The following TMIGD3 variants were observed in gnomAD, a reference collection of about 807,000 sequenced individuals.
The protein encoded by TMIGD3 is transmembrane and immunoglobulin domain containing 3, also known as AD026 protein (AD026).
A neutral mutation model predicts 28.1 loss-of-function variants in TMIGD3; 21 were observed. The observed-to-expected ratio is 0.75, with a 90% CI of 0.53 to 1.08. TMIGD3 has a LOEUF of 1.08. Ranked by LOEUF, TMIGD3 falls within the 50% of genes least tolerant of loss-of-function variation. The pLI is 0.00. For synonymous variants in TMIGD3, 151 were observed against 162.1 expected (o/e 0.93, Z 0.52); for missense variants, 416 against 435.6 (o/e 0.96, Z 0.40).
intron 1 of TMIGD3, among the ~76,000 whole-genome samples, chr1:111,511,225 G>A (rs916857952): frequency 1.3e-5 from 2 of 152,170 alleles, no homozygotes; most frequent in African/African-American, 4.8e-5. Flanking sequence ...TCTCCCGCTA[G>A]CTGGTAAACT....
At chr1:111,515,588 C>T (rs774394801) in intron 1 of TMIGD3, among the ~76,000 whole-genome samples, 1 of 152,180 alleles carries the variant, frequency 6.6e-6, no homozygotes, top group Non-Finnish European at 1.5e-5. Flanking sequence ...CTCCTGGCAG[C>T]GGCTGGGTTC....
intron 1 of TMIGD3, among the ~76,000 whole-genome samples, chr1:111,497,235 C>T (rs942567095): frequency 1.3e-5 from 2 of 152,136 alleles, no homozygotes; most frequent in Non-Finnish European, 2.9e-5. Context: ...CTCAGCCTCC[C>T]GAGTAGCTGG....
At chr1:111,502,977 T>C in intron 1 of TMIGD3, 28 bp downstream of exon 1, 1 of 1,606,414 alleles carries the variant, frequency 6.2e-7, no homozygotes, top group Non-Finnish European at 8.5e-7. Flanking sequence ...GCTGCCTCAA[T>C]TGCTGCCCAC....
intron 1 of TMIGD3, among the ~76,000 whole-genome samples, chr1:111,545,485 G>A (rs542888223): frequency 6.6e-6 from 1 of 152,072 alleles, no homozygotes; most frequent in African/African-American, 2.4e-5. Flanking sequence ...TCCTTTTATT[G>A]TTGAATTTTA....
intron 1 of TMIGD3, among the ~76,000 whole-genome samples, chr1:111,554,596 C>A (rs879563878): frequency 6.6e-6 from 1 of 152,144 alleles, no homozygotes; most frequent in African/African-American, 2.4e-5. Flanking sequence ...GGATCATATG[C>A]TCAGTGAATA....
chr1:111,499,774 T>G, intron 1 of TMIGD3: 1 of 1,432,328 alleles, frequency 7.0e-7, no homozygotes, highest in Non-Finnish European at 9.1e-7. Flanking sequence ...AAAAATGAAG[T>G]GGAGGAAGAG....
chr1:111,523,457 G>A (rs1320873221), intron 1 of TMIGD3, among the ~76,000 whole-genome samples: 1 of 151,740 alleles, frequency 6.6e-6, no homozygotes, highest in Non-Finnish European at 1.5e-5. Flanking sequence ...TTCCTGTAAT[G>A]TCGTCTGATT....
chr1:111,530,007 C>T (rs1170076910), intron 1 of TMIGD3, among the ~76,000 whole-genome samples: 1 of 98,940 alleles, frequency 1.0e-5, no homozygotes, highest in Non-Finnish European at 2.1e-5. Flanking sequence ...CGCTGACCCC[C>T]CCACCTCCCT....
intron 1 of TMIGD3, among the ~76,000 whole-genome samples, chr1:111,497,992 C>T (rs1162221275): frequency 6.6e-6 from 1 of 152,108 alleles, no homozygotes; most frequent in East Asian, 1.9e-4. Context: ...AACAGTGTGC[C>T]TGAGACACCC....
At chr1:111,514,313 G>T (rs1023820488) in intron 1 of TMIGD3, among the ~76,000 whole-genome samples, 1 of 152,128 alleles carries the variant, frequency 6.6e-6, no homozygotes, top group Non-Finnish European at 1.5e-5. Context: ...GGAAGGCCGA[G>T]ACAGGTGGAT....
chr1:111,485,965 G>A (rs1654347894), intron 4 of TMIGD3, 125 bp from the exon 5 acceptor site: 2 of 677,298 alleles, frequency 3.0e-6, no homozygotes, highest in East Asian at 2.8e-5. Context: ...AGTAGCTTCT[G>A]GGAACCGTAT....
At chr1:111,540,323 G>C (rs966345501) in intron 1 of TMIGD3, among the ~76,000 whole-genome samples, 1 of 152,244 alleles carries the variant, frequency 6.6e-6, no homozygotes, top group Non-Finnish European at 1.5e-5. Flanking sequence ...TCACGTGTAC[G>C]TGATATCACT....
chr1:111,508,437 C>G (rs189900015), upstream of TMIGD3, among the ~76,000 whole-genome samples: 1 of 152,232 alleles, frequency 6.6e-6, no homozygotes, highest in Admixed American at 6.5e-5. Flanking sequence ...AGGCTGCTGC[C>G]GAGAAAGAAA....
In TMIGD3 at chr1:111,500,676, A is replaced by T. The variant is rs371750223; in HGVS notation, c.350+2329T>A. 3 of 988,910 alleles carry T rather than the reference A, an allele frequency of 3.0e-6. No homozygotes were observed. In the Admixed American group the frequency reaches 6.9e-5, roughly 23 times the overall value. 61.3% of individuals were successfully genotyped at this position (988,910 alleles called of 1,614,324 possible). A position where few individuals can be genotyped will look rare whatever the true frequency, so the allele number is the denominator to read the frequency against. ...AGGCATATACTCTCTTAATTCTCCA[A>T]TCTTCTGCTAAGAGAGGGCAGCATT... On this transcript the variant is annotated intron_variant, in intron 1 of 5. Transcript: ENST00000369716.
intron 1 of TMIGD3, among the ~76,000 whole-genome samples, chr1:111,513,586 C>T (rs1056444307): frequency 6.6e-6 from 1 of 152,210 alleles, no homozygotes; most frequent in Non-Finnish European, 1.5e-5. Context: ...AAGATAAAAT[C>T]TCATTCTGTC....
At chr1:111,489,548 C>A (rs1654554564) in intron 2 of TMIGD3, 1 of 1,053,296 alleles carries the variant, frequency 9.5e-7, no homozygotes, top group Non-Finnish European at 1.2e-6. Flanking sequence ...GTTATCACAG[C>A]CCTAGCAAAC....
chr1:111,523,294 TAG>T (rs1326790872), intron 1 of TMIGD3, among the ~76,000 whole-genome samples: 1 of 152,254 alleles, frequency 6.6e-6, no homozygotes, highest in African/African-American at 2.4e-5. Context: ...GGATTTTGCA[TAG>T]TGAATAGACC....
At chr1:111,535,931 T>G (rs1656625278) in intron 1 of TMIGD3, among the ~76,000 whole-genome samples, 1 of 152,174 alleles carries the variant, frequency 6.6e-6, no homozygotes, top group Non-Finnish European at 1.5e-5. Flanking sequence ...CCTGCAAGCA[T>G]ATTTGAACTT....
At chr1:111,501,888 G>A (rs1655195399) in intron 1 of TMIGD3, among the ~76,000 whole-genome samples, 1 of 151,464 alleles carries the variant, frequency 6.6e-6, no homozygotes, top group African/African-American at 2.4e-5. Flanking sequence ...GTCACCCGGG[G>A]AAGTAGATTT....
Sources: gnomAD v4.1 joint callset for allele counts (sites outside exome capture counted in the v4.1 genomes callset) on GRCh38, gnomAD v4.1.1 for gene constraint, MANE v1.5 for transcripts, NCBI Gene and HGNC (gene_info 2026-07-23, HGNC 2026-07-21) for gene names.